Variants in CSMD3 observed in about 807,000 individuals in gnomAD.
The protein encoded by CSMD3 is CUB and Sushi multiple domains 3, also known as CUB and sushi domain-containing protein 3.
CSMD3 carries 177 observed loss-of-function variants against 435.2 expected under a neutral mutation model. The observed-to-expected ratio is 0.41, with a 90% confidence interval of 0.36 to 0.46. CSMD3 has a LOEUF of 0.46. Among genes scored for constraint, CSMD3 ranks in the 20% least tolerant of loss-of-function variants. The pLI, the probability that CSMD3 is intolerant of heterozygous loss-of-function variation, is 0.34. For missense variants in CSMD3, 4,265 were observed against 4,504.6 expected, an observed-to-expected ratio of 0.95 and a Z score of 1.52; for synonymous variants, 1,656 against 1,520.5, an observed-to-expected ratio of 1.09 and a Z score of -2.07.
At chr8:112,495,719 G>C (rs1821268608) in intron 30 of CSMD3, among the ~76,000 whole-genome samples, 1 of 152,054 alleles carries the variant, frequency 6.6e-6, no homozygotes. Flanking sequence ...AGGCAGACAA[G>C]TTATCAGCAT....
chr8:113,210,242 A>T (rs1168237563), intron 3 of CSMD3, among the ~76,000 whole-genome samples: 1 of 152,050 alleles, frequency 6.6e-6, no homozygotes, highest in African/African-American at 2.4e-5. Flanking sequence ...TTTCAGCGTG[A>T]TCCTGAAGCC....
chr8:113,151,223 T>G lies in CSMD3; in HGVS notation c.709+22499A>C, dbSNP rs573901896. Among the ~76,000 whole-genome samples the G allele has an allele frequency of 3.0e-4, 45 of 151,994 alleles. 1 individual carries two copies. Among genetic ancestry groups the G allele is most frequent in the Non-Finnish European group, 5.9e-4 (40 of 67,946 alleles). ...TTCACTTTTCTGTTTCAGCCAAATA[T>G]AATGCATTAGTTCTCATCTTTATGT... On this transcript the variant is annotated intron_variant, in intron 4 of 70. Coordinates refer to ENST00000297405, the MANE Select transcript of CSMD3 (RefSeq NM_198123.2).
At chr8:113,063,554 A>G (rs2088709637) in intron 5 of CSMD3, among the ~76,000 whole-genome samples, 1 of 151,944 alleles carries the variant, frequency 6.6e-6, no homozygotes, top group African/African-American at 2.4e-5. Flanking sequence ...GAAAATTAAA[A>G]CTCTGACCTG....
intron 12 of CSMD3, among the ~76,000 whole-genome samples, chr8:112,809,751 A>G (rs983080020): frequency 6.6e-6 from 1 of 152,130 alleles, no homozygotes; most frequent in African/African-American, 2.4e-5. Flanking sequence ...CTTTCTGACT[A>G]CAGGTTCCTG....
At chr8:112,465,508 G>T (rs1454682192) in intron 32 of CSMD3, among the ~76,000 whole-genome samples, 1 of 152,128 alleles carries the variant, frequency 6.6e-6, no homozygotes, top group East Asian at 1.9e-4. Context: ...CATGGCTTGA[G>T]ATCTAATTAT....
chr8:112,783,103 T>C (rs1203133682), intron 13 of CSMD3, among the ~76,000 whole-genome samples: 1 of 151,996 alleles, frequency 6.6e-6, no homozygotes, highest in Non-Finnish European at 1.5e-5. Flanking sequence ...GGCTAAAATA[T>C]GAACCTTTCA....
intron 16 of CSMD3, among the ~76,000 whole-genome samples, chr8:112,666,818 C>T (rs2075537686): frequency 6.6e-6 from 1 of 152,082 alleles, no homozygotes; most frequent in South Asian, 2.1e-4. Flanking sequence ...ATCTTATACA[C>T]TAACAGTTTG....
chr8:113,215,573 A>G (rs1378838307), intron 3 of CSMD3, among the ~76,000 whole-genome samples: 1 of 151,894 alleles, frequency 6.6e-6, no homozygotes, highest in African/African-American at 2.4e-5. Context: ...TGGATCATTA[A>G]CTTGTGACTG....
chr8:112,224,929 T>C lies in CSMD3; in HGVS notation c.10966A>G (p.Thr3656Ala), dbSNP rs1477665927. The stretch of plus-strand genomic sequence containing the variant: ...CCTGTATACTGTGTTTTAGGTGCAG[T>C]CCTGTTGATGAGAACATTGATTAGC... Reference protein sequence around the residue: ...GFGFYLYKQRTAPKTQYTGCS... With the variant: ...GFGFYLYKQRAAPKTQYTGCS... Residue 3656 changes from threonine (T) to alanine (A), a missense_variant and splice_region_variant, in exon 71 of 71, where the codon ACT becomes GCT. Physicochemically the swap from Thr to Ala is moderately conservative, Grantham distance 58. This residue lies in a region of CSMD3 where 3,255 missense variants were observed against 3,380.2 expected (regional missense o/e 0.96). Transcript: ENST00000297405. 5.0e-6 allele frequency: 8 copies of C among 1,613,804 alleles called. No individual in the cohort carries two copies. Among genetic ancestry groups the C allele is most frequent in the Non-Finnish European group, 5.9e-6 (7 of 1,179,816 alleles).
At chr8:113,151,862 A>T (rs1309286306) in intron 4 of CSMD3, among the ~76,000 whole-genome samples, 2 of 152,022 alleles carry the variant, frequency 1.3e-5, no homozygotes, top group Admixed American at 1.3e-4. Flanking sequence ...CGGTTTTGTC[A>T]AAATATAACA....
chr8:113,187,581 T>C (rs1001400845), intron 3 of CSMD3, among the ~76,000 whole-genome samples: 1 of 152,052 alleles, frequency 6.6e-6, no homozygotes, highest in Non-Finnish European at 1.5e-5. Flanking sequence ...TGTTTCATTT[T>C]TATATGAGTG....
intron 40 of CSMD3, among the ~76,000 whole-genome samples, chr8:112,346,704 G>A (rs1469057847): frequency 5.0e-5 from 4 of 80,364 alleles, no homozygotes; most frequent in African/African-American, 2.6e-4. Context: ...TTTTGGAGAA[G>A]GAGTCTCTCT....
intron 7 of CSMD3, among the ~76,000 whole-genome samples, chr8:112,968,669 T>C (rs565269228): frequency 1.5e-4 from 23 of 152,074 alleles, no homozygotes; most frequent in African/African-American, 5.5e-4. Flanking sequence ...ATTCTTTCTC[T>C]TATAATTGAC....
At chr8:113,425,318 A>C (rs1018372060) in intron 1 of CSMD3, among the ~76,000 whole-genome samples, 1 of 151,534 alleles carries the variant, frequency 6.6e-6, no homozygotes, top group Non-Finnish European at 1.5e-5. Flanking sequence ...TGATATTTAC[A>C]TGAAATAGCA....
At chr8:112,993,917 T>C (rs566846331) in intron 6 of CSMD3, among the ~76,000 whole-genome samples, 100 of 151,842 alleles carry the variant, frequency 6.6e-4, no homozygotes, top group Non-Finnish European at 1.2e-3. Flanking sequence ...ATTCAAACAG[T>C]CAGCTGTATC....
chr8:112,784,672 G>C (rs1587285742), intron 13 of CSMD3, among the ~76,000 whole-genome samples: 1 of 151,950 alleles, frequency 6.6e-6, no homozygotes, highest in Non-Finnish European at 1.5e-5. Context: ...TAAAAGAAAT[G>C]AATCAATTAC....
rs567891578 is a variant in CSMD3 at position 113,063,174 on chromosome 8, T to TA, written c.917+35581dup. 3.2e-4 allele frequency among the ~76,000 whole-genome samples: 45 copies of TA among 141,092 alleles called. No individual in the cohort carries two copies. In the South Asian group the frequency reaches 5.4e-3, roughly 17 times the overall value. 92.6% of individuals were successfully genotyped at this position (141,092 alleles called of 152,430 possible). Reference sequence around the variant, plus strand: ...AGCATCCAGCTAGAAAAATAAAAAGTAAAAAAAAAAAGCAAAACAAAACTT... The same window carrying TA: ...AGCATCCAGCTAGAAAAATAAAAAGTAAAAAAAAAAAAGCAAAACAAAACTT... On this transcript the variant is annotated intron_variant, in intron 5 of 70. Coordinates refer to ENST00000297405, the MANE Select transcript of CSMD3 (RefSeq NM_198123.2).
At chr8:112,795,759 G>A (rs1025614861) in intron 13 of CSMD3, among the ~76,000 whole-genome samples, 2 of 152,038 alleles carry the variant, frequency 1.3e-5, no homozygotes, top group Non-Finnish European at 2.9e-5. Context: ...AATTAGTTGG[G>A]TTTTCTGTAA....
chr8:112,957,826 A>G (rs1374198818), intron 7 of CSMD3, among the ~76,000 whole-genome samples: 1 of 152,096 alleles, frequency 6.6e-6, no homozygotes, highest in Admixed American at 6.5e-5. Flanking sequence ...GCTCACTGCA[A>G]CCTCCGCCTC....
Sources: gnomAD v4.1 joint callset for allele counts (sites outside exome capture counted in the v4.1 genomes callset) on GRCh38, gnomAD v4.1.1 for gene constraint, gnomAD v4.1.1 regional missense constraint, MANE v1.5 for transcripts, NCBI Gene and HGNC (gene_info 2026-07-23, HGNC 2026-07-21) for gene names.